Variants in PAK2 observed in about 807,000 individuals in gnomAD.
The protein encoded by PAK2 is p21 (RAC1) activated kinase 2.
A neutral mutation model predicts 65.9 loss-of-function variants in PAK2; 21 were observed. The observed-to-expected ratio is 0.32, with a 90% confidence interval of 0.23 to 0.46. PAK2 has a LOEUF of 0.46. Ranked by LOEUF, PAK2 falls within the 20% of genes least tolerant of loss-of-function variation. The pLI, the probability that PAK2 is intolerant of heterozygous loss-of-function variation, is 1.00. For synonymous variants in PAK2, 204 were observed against 219.7 expected (o/e 0.93, Z 0.63); for missense variants, 324 against 642.6 (o/e 0.50, Z 5.36).
At chr3:196,793,607 A>T (rs1715148071) in intron 2 of PAK2, among the ~76,000 whole-genome samples, 1 of 152,184 alleles carries the variant, frequency 6.6e-6, no homozygotes, top group Non-Finnish European at 1.5e-5. Context: ...ACAGGAACTT[A>T]AAAGAAATAG....
chr3:196,761,117 A>G (rs1435507514), intron 1 of PAK2, among the ~76,000 whole-genome samples: 1 of 141,296 alleles, frequency 7.1e-6, no homozygotes, highest in South Asian at 2.2e-4. Flanking sequence ...AATCCCGGCT[A>G]CTCGGTAAGG....
intron 2 of PAK2, among the ~76,000 whole-genome samples, chr3:196,800,594 A>G (rs1380997135): frequency 6.6e-6 from 1 of 152,190 alleles, no homozygotes; most frequent in African/African-American, 2.4e-5. Context: ...TGCGTATTAC[A>G]AAATGGCAAT....
chr3:196,761,224 T>C (rs1257047863), intron 1 of PAK2, among the ~76,000 whole-genome samples: 4 of 125,120 alleles, frequency 3.2e-5, no homozygotes, highest in African/African-American at 6.2e-5. Context: ...GGCAGGGTCA[T>C]GGGACAATAG....
chr3:196,811,975 T>C (rs1481022124), intron 8 of PAK2, among the ~76,000 whole-genome samples: 1 of 152,130 alleles, frequency 6.6e-6, no homozygotes, highest in African/African-American at 2.4e-5. Flanking sequence ...ATAATTTTTT[T>C]CCTGCTCTTT....
chr3:196,829,149 AT>A lies in PAK2; in HGVS notation c.*745del, dbSNP rs1711980585. 1 of 152,666 alleles carries A rather than the reference AT, an allele frequency of 6.6e-6. No individual in the cohort carries two copies. The highest frequency in any genetic ancestry group is 2.4e-5 in the African/African-American group (1 of 41,460). 9.5% of individuals were successfully genotyped at this position (152,666 alleles called of 1,614,324 possible). A position where few individuals can be genotyped will look rare whatever the true frequency, so the allele number is the denominator to read the frequency against. ...CTCTATTTATAACTAAATCATTGAG[AT>A]AGAAAAAGATTCCCATTGACTGTAG... On this transcript the variant is annotated 3_prime_UTR_variant, in exon 15 of 15. Coordinates refer to ENST00000327134, the MANE Select transcript of PAK2 (RefSeq NM_002577.4).
chr3:196,795,201 A>G (rs531340960), intron 2 of PAK2, among the ~76,000 whole-genome samples: 2 of 152,054 alleles, frequency 1.3e-5, no homozygotes, highest in East Asian at 1.9e-4. Flanking sequence ...CATGCCTCCA[A>G]TCCTAGGATT....
intron 8 of PAK2, among the ~76,000 whole-genome samples, chr3:196,811,333 CTCCCT>C (rs1715810170): frequency 2.6e-4 from 3 of 11,346 alleles, no homozygotes; most frequent in Admixed American, 9.7e-4. Flanking sequence ...CTTCCCTTCC[CTCCCT>C]TCCCTCCCTT....
chr3:196,787,795 C>T (rs1189603732), intron 2 of PAK2, among the ~76,000 whole-genome samples: 1 of 152,142 alleles, frequency 6.6e-6, no homozygotes, highest in Non-Finnish European at 1.5e-5. Flanking sequence ...TTTCCTGGAG[C>T]TCTACCTCCC....
chr3:196,740,571 C>T (rs530497220), intron 1 of PAK2, among the ~76,000 whole-genome samples: 1 of 152,198 alleles, frequency 6.6e-6, no homozygotes, highest in East Asian at 1.9e-4. Flanking sequence ...TGATTCTCAG[C>T]CCCTGCTTGC....
intron 1 of PAK2, among the ~76,000 whole-genome samples, chr3:196,752,388 A>G (rs1713632841): frequency 2.0e-5 from 3 of 152,170 alleles, no homozygotes; most frequent in Admixed American, 2.0e-4. Flanking sequence ...AATTGAAAAA[A>G]AATTTTCTGA....
rs528935632 is a variant in PAK2, at chr3:196,791,300, A to G, written c.187+8467A>G. Among the ~76,000 whole-genome samples the G allele has an allele frequency of 6.6e-6, 1 of 152,286 alleles. No individual in the cohort carries two copies. Among genetic ancestry groups the G allele is most frequent in the South Asian group, 2.1e-4 (1 of 4,826 alleles). On this transcript the variant is annotated intron_variant, in intron 2 of 14. Transcript: ENST00000327134. This position sits in a 1 kb window ranked among gnomAD's most constrained non-coding sequence, Gnocchi z 4.0. ...CTATTAAAATACAGAGAGTACCTGT[A>G]TGTGTGTTATGTAAAAACAAATGGC...
At chr3:196,756,471 T>C (rs1454370249) in intron 1 of PAK2, among the ~76,000 whole-genome samples, 1 of 152,178 alleles carries the variant, frequency 6.6e-6, no homozygotes, top group Non-Finnish European at 1.5e-5. Context: ...ATTTGTGAGC[T>C]CCAAACTGAG....
chr3:196,812,193 T>C, intron 8 of PAK2, 26 bp from the exon 9 acceptor site: 1 of 1,403,922 alleles, frequency 7.1e-7, no homozygotes, highest in South Asian at 1.2e-5. Context: ...CAACCTTAAA[T>C]CTGGTTGTGT....
chr3:196,796,521 G>T (rs117429243), intron 2 of PAK2, among the ~76,000 whole-genome samples: 2,255 of 152,196 alleles, frequency 0.015, 97 homozygotes, highest in Admixed American at 0.093. Flanking sequence ...GATTATGATT[G>T]CACAACTCTA....
chr3:196,767,650 A>G (rs1472140511), intron 1 of PAK2, among the ~76,000 whole-genome samples: 1 of 151,750 alleles, frequency 6.6e-6, no homozygotes, highest in African/African-American at 2.4e-5. Context: ...CACCACGCCC[A>G]GCTAATTTTT....
At chr3:196,780,293 T>C (rs1448004695) in intron 1 of PAK2, among the ~76,000 whole-genome samples, 1 of 152,312 alleles carries the variant, frequency 6.6e-6, no homozygotes, top group Non-Finnish European at 1.5e-5. Flanking sequence ...ATGCTGCTGA[T>C]AAAGACAAAC....
intron 1 of PAK2, among the ~76,000 whole-genome samples, chr3:196,760,895 A>G (rs968928183): frequency 6.6e-6 from 1 of 152,100 alleles, no homozygotes; most frequent in African/African-American, 2.4e-5. Context: ...AGGTACAGAG[A>G]TGTATGGAAA....
At chr3:196,811,654 A>G (rs546685034) in intron 8 of PAK2, among the ~76,000 whole-genome samples, 5 of 152,140 alleles carry the variant, frequency 3.3e-5, no homozygotes, top group East Asian at 3.9e-4. Context: ...ATACCTATCC[A>G]TATGGATGAC....
intron 1 of PAK2, among the ~76,000 whole-genome samples, chr3:196,753,613 T>C (rs561368063): frequency 1.3e-5 from 2 of 152,370 alleles, no homozygotes; most frequent in South Asian, 2.1e-4. Context: ...TCATTAGTCA[T>C]GTATACCATC....
Sources: allele counts gnomAD v4.1 joint callset (sites outside exome capture counted in the v4.1 genomes callset), GRCh38; gene constraint gnomAD v4.1.1; non-coding constraint Gnocchi (gnomAD v3.1); transcripts MANE v1.5; gene names NCBI Gene and HGNC (gene_info 2026-07-23, HGNC 2026-07-21).